Variants in KNTC1 observed in about 807,000 individuals in gnomAD.
KNTC1 encodes kinetochore-associated protein 1.
In KNTC1, 253 loss-of-function variants were observed where a neutral mutation model predicts 314.4. That is an observed-to-expected ratio of 0.80 (90% confidence interval 0.73 to 0.89). The LOEUF is 0.89. Among genes scored for constraint, KNTC1 ranks in the 40% least tolerant of loss-of-function variants. The pLI is 0.00. For synonymous variants in KNTC1, 901 were observed against 901.4 expected, an observed-to-expected ratio of 1.00 and a Z score of 0.01; for missense variants, 2,475 against 2,572.9, an observed-to-expected ratio of 0.96 and a Z score of 0.82.
chr12:122,557,475 T>C lies in KNTC1; in HGVS notation c.1364T>C (p.Val455Ala), dbSNP rs1452597981. The change falls in exon 17 of 64, where the codon GTA (valine) becomes GCA (alanine). Residue 455 changes from valine (V) to alanine (A), a missense_variant. Transcript: ENST00000333479. ...ASEQTEWQQL[V>A]DDAKENLHKI... is the part of the protein sequence containing the mutation. Reference sequence around the variant, plus strand: ...GAACAGACCGAATGGCAACAACTTGTAGACGACGCTAAGGAAAATCTACAT... The same window carrying C: ...GAACAGACCGAATGGCAACAACTTGCAGACGACGCTAAGGAAAATCTACAT... 1.2e-6 allele frequency: 2 copies of C among 1,613,882 alleles called. No homozygotes were observed. The highest frequency in any genetic ancestry group is 2.2e-5 in the East Asian group (1 of 44,878).
At chr12:122,596,864 T>C (rs1409784009) in intron 43 of KNTC1, among the ~76,000 whole-genome samples, 4 of 152,100 alleles carry the variant, frequency 2.6e-5, no homozygotes, top group Non-Finnish European at 5.9e-5. Context: ...AAAAATCCAA[T>C]TTTTGTTTTG....
chr12:122,562,731 C>T lies in KNTC1; in HGVS notation c.1604+32C>T, dbSNP rs190659425. On this transcript the variant is annotated intron_variant, in intron 20 of 63. Transcript: ENST00000333479. ...ACATTTTTGTTAAAACTTTTTAGGC[C>T]AGGCATGGTGTCTCACGCCTGTAAT... is the stretch of plus-strand genomic sequence containing the variant. The T allele has an allele frequency of 3.9e-5, 53 of 1,365,176 alleles. 1 individual carries two copies. Among genetic ancestry groups the T allele is most frequent in the East Asian group, 2.3e-5 (1 of 43,196 alleles). The allele number at this position is 1,365,176 out of a possible 1,614,324, so 84.6% of individuals were successfully genotyped here. A position where few individuals can be genotyped will look rare whatever the true frequency, so the allele number is the denominator to read the frequency against.
At chr12:122,560,075 A>G (rs1252272361) in intron 18 of KNTC1, among the ~76,000 whole-genome samples, 1 of 152,286 alleles carries the variant, frequency 6.6e-6, no homozygotes, top group East Asian at 1.9e-4. Flanking sequence ...TAAGTACCTT[A>G]TATTAAATGG....
intron 59 of KNTC1, among the ~76,000 whole-genome samples, chr12:122,618,898 C>T (rs566944001): frequency 1.3e-5 from 2 of 151,230 alleles, no homozygotes; most frequent in Non-Finnish European, 1.5e-5. Context: ...TGAGCCATCC[C>T]GTGAGTAGCT....
intron 50 of KNTC1, 62 bp downstream of exon 50, chr12:122,605,149 T>G: frequency 7.1e-7 from 1 of 1,399,396 alleles, no homozygotes; most frequent in Admixed American, 2.0e-5. Context: ...CTCAGTTTTA[T>G]GTATATATGT....
chr12:122,543,708 A>G (rs921343473), intron 7 of KNTC1, 74 bp downstream of exon 7: 4 of 858,098 alleles, frequency 4.7e-6, no homozygotes, highest in South Asian at 3.5e-5. Context: ...GTTTCTGTAT[A>G]TAATTGGTCT....
chr12:122,595,537 G>A (rs74892415), intron 43 of KNTC1, among the ~76,000 whole-genome samples: 11,529 of 152,212 alleles, frequency 0.076, 570 homozygotes, highest in Middle Eastern at 0.13. Context: ...GCACTGGGCA[G>A]GCATCTAGTT....
intron 40 of KNTC1, among the ~76,000 whole-genome samples, chr12:122,589,578 C>T (rs567770818): frequency 3.3e-5 from 5 of 151,414 alleles, no homozygotes; most frequent in Non-Finnish European, 7.4e-5. Context: ...TCAAGCAACC[C>T]TCCTGCTGCT....
At chr12:122,597,016 T>C (rs555175284) in intron 43 of KNTC1, among the ~76,000 whole-genome samples, 1 of 152,290 alleles carries the variant, frequency 6.6e-6, no homozygotes, top group African/African-American at 2.4e-5. Context: ...GAATTTTTTC[T>C]ACTTTTTTGA....
intron 20 of KNTC1, among the ~76,000 whole-genome samples, chr12:122,567,725 C>CTGCT (rs1304374155): frequency 1.3e-5 from 2 of 152,088 alleles, no homozygotes. Flanking sequence ...GTAATCCCAG[C>CTGCT]TGCTTGGGAG....
At chr12:122,589,985 G>A (rs1362486697) in intron 40 of KNTC1, among the ~76,000 whole-genome samples, 2 of 151,686 alleles carry the variant, frequency 1.3e-5, no homozygotes, top group African/African-American at 4.8e-5. Context: ...GGGTTTCACT[G>A]TGTTAGCCAG....
chr12:122,548,537 T>TA (rs1962957865), intron 12 of KNTC1, among the ~76,000 whole-genome samples: 1 of 152,134 alleles, frequency 6.6e-6, no homozygotes, highest in South Asian at 2.1e-4. Flanking sequence ...GAGTGACTCT[T>TA]ACGTAGTTCT....
intron 21 of KNTC1, among the ~76,000 whole-genome samples, chr12:122,569,333 T>C (rs535103413): frequency 3.6e-4 from 55 of 152,214 alleles, no homozygotes; most frequent in Non-Finnish European, 7.2e-4. Flanking sequence ...TTGGCCAAAG[T>C]TGGTATAGAA....
At chr12:122,554,890 C>A (rs1411100900) in intron 16 of KNTC1, among the ~76,000 whole-genome samples, 2 of 152,130 alleles carry the variant, frequency 1.3e-5, no homozygotes, top group African/African-American at 2.4e-5. Context: ...AAACCTGTTT[C>A]ATGAGCTGGG....
chr12:122,618,422 C>T, intron 58 of KNTC1, 25 bp downstream of exon 58: 1 of 1,613,020 alleles, frequency 6.2e-7, no homozygotes. Context: ...GAAACATTGG[C>T]TACAGCATTT....
chr12:122,568,286 A>G lies in KNTC1; in HGVS notation c.1630A>G (p.Asn544Asp). The change falls in exon 21 of 64, where the codon AAT becomes GAT. Residue 544 changes from asparagine to aspartate, a missense_variant. Coordinates refer to ENST00000333479, the MANE Select transcript of KNTC1 (RefSeq NM_014708.6). Reference sequence around the variant, plus strand: ...TGGCAGTTCTTGGATTGAATTTCTAAATAATGAAGATGATCTTAAAGATAT... The same window carrying G: ...TGGCAGTTCTTGGATTGAATTTCTAGATAATGAAGATGATCTTAAAGATAT... ...FSGSSWIEFL[N>D]NEDDLKDIFL... 1 of 1,565,854 alleles carries G rather than the reference A, an allele frequency of 6.4e-7. No individual in the cohort carries two copies. The highest frequency in any genetic ancestry group is 8.8e-7 in the Non-Finnish European group (1 of 1,139,022).
At chr12:122,569,610 T>A in intron 21 of KNTC1, 71 bp from the exon 22 acceptor site, 1 of 1,370,530 alleles carries the variant, frequency 7.3e-7, no homozygotes, top group Non-Finnish European at 1.0e-6. Flanking sequence ...TCCTAAAATA[T>A]CTTTGTCAAA....
Position 122,561,917 on chromosome 12 carries a change from T to C in KNTC1, c.1489-4T>C. 6.4e-7 allele frequency: 1 copy of C among 1,566,854 alleles called. No individual in the cohort carries two copies. ...TAACTGTATTTCTTATTATTCTTACTTAGCTTTTGAAGAAAGAAGATAAAA... is the reference window on the plus strand; with the variant it reads ...TAACTGTATTTCTTATTATTCTTACCTAGCTTTTGAAGAAAGAAGATAAAA... On this transcript the variant is annotated splice_region_variant and splice_polypyrimidine_tract_variant and intron_variant, in intron 18 of 63. Coordinates refer to ENST00000333479, the MANE Select transcript of KNTC1 (RefSeq NM_014708.6).
At chr12:122,595,253 A>G (rs1162688072) in intron 43 of KNTC1, among the ~76,000 whole-genome samples, 8 of 152,224 alleles carry the variant, frequency 5.3e-5, no homozygotes, top group Non-Finnish European at 7.3e-5. Context: ...AATGATTTGT[A>G]ATTTATATCT....
Sources: gnomAD v4.1 joint callset for allele counts (sites outside exome capture counted in the v4.1 genomes callset) on GRCh38, gnomAD v4.1.1 for gene constraint, MANE v1.5 for transcripts, NCBI Gene and HGNC (gene_info 2026-07-23, HGNC 2026-07-21) for gene names.